UBE2E1: variants seen among roughly 807,000 people sequenced by gnomAD.
The protein encoded by UBE2E1 is ubiquitin-conjugating enzyme E2 E1.
In UBE2E1, 6 loss-of-function variants were observed where a neutral mutation model predicts 21.4. The observed-to-expected ratio is 0.28, with a 90% CI of 0.15 to 0.55. The LOEUF (loss-of-function observed/expected upper bound fraction) is 0.55, where lower values mean the gene tolerates loss of function less well. Ranked by LOEUF, UBE2E1 falls within the 20% of genes least tolerant of loss-of-function variation. UBE2E1 has a pLI of 0.93. For missense variants in UBE2E1, 142 were observed against 236.5 expected (o/e 0.60, Z 2.62); for synonymous variants, 87 against 82.7 (o/e 1.05, Z -0.28).
At chr3:23,812,000 C>G (rs1559473938) in intron 3 of UBE2E1, among the ~76,000 whole-genome samples, 4 of 152,144 alleles carry the variant, frequency 2.6e-5, no homozygotes, top group African/African-American at 4.8e-5. Flanking sequence ...GAAACAATTT[C>G]TGGCTTTGAT....
intron 3 of UBE2E1, among the ~76,000 whole-genome samples, chr3:23,881,311 A>G (rs990227176): frequency 4.6e-5 from 7 of 151,152 alleles, no homozygotes; most frequent in South Asian, 4.5e-4. Flanking sequence ...AGAAAAAACT[A>G]TGTTATCTTT....
intron 3 of UBE2E1, among the ~76,000 whole-genome samples, chr3:23,844,989 T>C (rs2125303014): frequency 6.6e-6 from 1 of 152,230 alleles, no homozygotes; most frequent in Non-Finnish European, 1.5e-5. Context: ...CAAGATGGGA[T>C]TGTTCATAGA....
intron 1 of UBE2E1, 171 bp from the exon 2 acceptor site, chr3:23,807,066 C>T (rs1699294441): frequency 2.0e-6 from 1 of 504,402 alleles, no homozygotes. Flanking sequence ...ATAAACAAGC[C>T]GCGTCCGATT....
At chr3:23,824,802 C>T (rs1301013367) in intron 3 of UBE2E1, among the ~76,000 whole-genome samples, 2 of 152,144 alleles carry the variant, frequency 1.3e-5, no homozygotes, top group African/African-American at 4.8e-5. Context: ...TGCTTCCTCC[C>T]CTTCCTGCTC....
chr3:23,854,763 A>T (rs1700401333), intron 3 of UBE2E1, among the ~76,000 whole-genome samples: 1 of 152,320 alleles, frequency 6.6e-6, no homozygotes, highest in Admixed American at 6.5e-5. Flanking sequence ...AAATTCTGTT[A>T]AATACGTAGG....
rs1699356636 is a variant in UBE2E1, at chr3:23,810,320, G to A, written c.153-1140G>A. 3.3e-5 allele frequency: 32 copies of A among 965,922 alleles called. No individual in the cohort carries two copies. Among genetic ancestry groups the A allele is most frequent in the South Asian group, 3.1e-4 (22 of 70,216 alleles). 59.8% of individuals were successfully genotyped at this position (965,922 alleles called of 1,614,324 possible). ...TATTAATTGATGCTCTAAGTGCCTA[G>A]GTAAGCAAAAGACAAAGGCCAGGGC... On this transcript the variant is annotated intron_variant, in intron 2 of 5. Coordinates refer to ENST00000306627, the MANE Select transcript of UBE2E1 (RefSeq NM_003341.5). This position sits in a 1 kb window ranked among gnomAD's most constrained non-coding sequence, Gnocchi z 5.8.
chr3:23,825,353 G>A, intron 3 of UBE2E1, among the ~76,000 whole-genome samples: 1 of 152,122 alleles, frequency 6.6e-6, no homozygotes, highest in Non-Finnish European at 1.5e-5. Context: ...CCCTTTGATT[G>A]AAGATGCAGT....
intron 3 of UBE2E1, among the ~76,000 whole-genome samples, chr3:23,849,013 T>C (rs1700267484): frequency 1.3e-5 from 2 of 152,248 alleles, no homozygotes; most frequent in Admixed American, 1.3e-4. Flanking sequence ...TATACCATGT[T>C]TATCCATATG....
intron 3 of UBE2E1, among the ~76,000 whole-genome samples, chr3:23,883,538 T>G (rs1406215613): frequency 6.6e-6 from 1 of 152,136 alleles, no homozygotes; most frequent in Non-Finnish European, 1.5e-5. Context: ...TCAGAATTTT[T>G]CTGTTTTATT....
At chr3:23,867,609 G>C (rs1396062183) in intron 3 of UBE2E1, among the ~76,000 whole-genome samples, 1 of 152,066 alleles carries the variant, frequency 6.6e-6, no homozygotes, top group Non-Finnish European at 1.5e-5. Context: ...TGGGCTCTCC[G>C]GTCCCCCTGT....
At chr3:23,851,989 G>A (rs1396829478) in intron 3 of UBE2E1, among the ~76,000 whole-genome samples, 1 of 152,046 alleles carries the variant, frequency 6.6e-6, no homozygotes, top group Admixed American at 6.5e-5. Context: ...CTTTGTTCAT[G>A]CAAGATCTCA....
At chr3:23,865,966 C>T (rs142871358) in intron 3 of UBE2E1, among the ~76,000 whole-genome samples, 2 of 152,290 alleles carry the variant, frequency 1.3e-5, no homozygotes, top group Non-Finnish European at 2.9e-5. Context: ...GTCTACTGCT[C>T]AGCTAGAAGG....
At chr3:23,830,304 G>A (rs1699841578) in intron 3 of UBE2E1, among the ~76,000 whole-genome samples, 1 of 151,952 alleles carries the variant, frequency 6.6e-6, no homozygotes, top group Admixed American at 6.6e-5. Flanking sequence ...ATAGATTTAG[G>A]GTTCACAAAG....
At position 23,890,963 on chromosome 3, in the gene UBE2E1, T is replaced by A; in HGVS notation, c.*357T>A. On this transcript the variant is annotated 3_prime_UTR_variant, in exon 6 of 6. Coordinates refer to ENST00000306627, the MANE Select transcript of UBE2E1 (RefSeq NM_003341.5). ...CATTTATGTAAAGTCCCTCTAAGAC[T>A]ACATACTTTTTGTTTAAAACAAAAT... 6.2e-6 allele frequency: 1 copy of A among 161,470 alleles called. No homozygotes were observed. 10.0% of individuals were successfully genotyped at this position (161,470 alleles called of 1,614,324 possible).
At chr3:23,811,590 T>C in intron 3 of UBE2E1, 80 bp downstream of exon 3, 1 of 1,356,226 alleles carries the variant, frequency 7.4e-7, no homozygotes, top group Non-Finnish European at 1.0e-6. Flanking sequence ...TTATATACTT[T>C]TTCTTTGATT....
At position 23,842,723 on chromosome 3, in the gene UBE2E1, T is replaced by C. The variant is rs1294112193; in HGVS notation, c.203+31213T>C. On this transcript the variant is annotated intron_variant, in intron 3 of 5. Transcript: ENST00000306627. This position sits in a 1 kb window ranked among gnomAD's most constrained non-coding sequence, Gnocchi z 4.6. Reference sequence around the variant, plus strand: ...ATTCGGTTTTTAAAAATTTTAATTTTGGTTTTTGAAGTCACACATAAGTTT... The same window carrying C: ...ATTCGGTTTTTAAAAATTTTAATTTCGGTTTTTGAAGTCACACATAAGTTT... Among the ~76,000 whole-genome samples the C allele has an allele frequency of 2.6e-5, 4 of 152,234 alleles. No homozygotes were observed. Among genetic ancestry groups the C allele is most frequent in the Non-Finnish European group, 5.9e-5 (4 of 68,038 alleles).
At chr3:23,890,343 T>C (rs1441812847) in intron 5 of UBE2E1, among the ~76,000 whole-genome samples, 166 bp from the exon 6 acceptor site, 1 of 152,228 alleles carries the variant, frequency 6.6e-6, no homozygotes, top group African/African-American at 2.4e-5. Context: ...CGTTATGTTT[T>C]TTTGAAATTT....
At chr3:23,818,035 G>C (rs1205610401) in intron 3 of UBE2E1, among the ~76,000 whole-genome samples, 1 of 152,158 alleles carries the variant, frequency 6.6e-6, no homozygotes, top group Non-Finnish European at 1.5e-5. Flanking sequence ...AAGAGGGTCT[G>C]GGGTGTAAGT....
At chr3:23,830,893 A>G (rs1017881045) in intron 3 of UBE2E1, among the ~76,000 whole-genome samples, 7 of 152,224 alleles carry the variant, frequency 4.6e-5, no homozygotes, top group African/African-American at 1.7e-4. Flanking sequence ...GACTTTGAAC[A>G]TTAGAAACTC....
Sources: allele counts gnomAD v4.1 joint callset (sites outside exome capture counted in the v4.1 genomes callset), GRCh38; gene constraint gnomAD v4.1.1; non-coding constraint Gnocchi (gnomAD v3.1); transcripts MANE v1.5; gene names NCBI Gene and HGNC (gene_info 2026-07-23, HGNC 2026-07-21).